The following FLT3 variants were observed in gnomAD, a reference collection of about 807,000 sequenced individuals.
FLT3 encodes fms related receptor tyrosine kinase 3.
FLT3 carries 46 observed loss-of-function variants against 126.6 expected under a neutral mutation model. The ratio of observed to expected loss-of-function variants is 0.36; its 90% confidence interval spans 0.29 to 0.46. The LOEUF (loss-of-function observed/expected upper bound fraction) is 0.46, where lower values mean the gene tolerates loss of function less well. Among genes scored for constraint, FLT3 ranks in the 20% least tolerant of loss-of-function variants. FLT3 has a pLI of 1.00. For missense variants in FLT3, 1,069 were observed against 1,190.3 expected, an observed-to-expected ratio of 0.90 and a Z score of 1.50; for synonymous variants, 404 against 434.4, an observed-to-expected ratio of 0.93 and a Z score of 0.87.
intron 16 of FLT3, 91 bp downstream of exon 16, chr13:28,028,085 TAA>T: frequency 9.9e-6 from 6 of 608,586 alleles, no homozygotes; most frequent in Non-Finnish European, 1.7e-5. Context: ...GACAAAGAAT[TAA>T]AAAGAGAGAG....
chr13:28,041,951 G>A (rs59951785), intron 9 of FLT3, among the ~76,000 whole-genome samples: 3,204 of 152,112 alleles, frequency 0.021, 98 homozygotes, highest in African/African-American at 0.071. Flanking sequence ...TAAGGAGTTC[G>A]AGATCAGCCT....
At chr13:28,072,216 C>T (rs1877580261) in intron 1 of FLT3, among the ~76,000 whole-genome samples, 1 of 150,820 alleles carries the variant, frequency 6.6e-6, no homozygotes, top group Admixed American at 6.6e-5. Context: ...TATATATGGG[C>T]TTCTCTTTAT....
intron 4 of FLT3, among the ~76,000 whole-genome samples, chr13:28,055,365 T>C (rs1330884387): frequency 1.3e-5 from 2 of 152,238 alleles, no homozygotes; most frequent in African/African-American, 2.4e-5. Flanking sequence ...ATTTAAAGAA[T>C]TCCAAGTTTT....
intron 20 of FLT3, among the ~76,000 whole-genome samples, chr13:28,017,651 T>G (rs1871981930): frequency 6.7e-6 from 1 of 148,484 alleles, no homozygotes; most frequent in African/African-American, 2.5e-5. Context: ...ATTCACACTG[T>G]TTTTTTTGTT....
At chr13:28,043,561 G>A (rs952822944) in intron 9 of FLT3, among the ~76,000 whole-genome samples, 16 of 152,146 alleles carry the variant, frequency 1.1e-4, no homozygotes, top group African/African-American at 3.9e-4. Context: ...CTTGATACAT[G>A]ACTAAAATAC....
chr13:28,097,852 G>A (rs949671437), intron 1 of FLT3, among the ~76,000 whole-genome samples: 7 of 152,100 alleles, frequency 4.6e-5, no homozygotes, highest in African/African-American at 1.7e-4. Flanking sequence ...CTTTGAATAC[G>A]AATTTTTTTT....
intron 18 of FLT3, 94 bp downstream of exon 18, chr13:28,024,767 G>A: frequency 1.1e-6 from 1 of 873,222 alleles, no homozygotes; most frequent in Non-Finnish European, 1.8e-6. Flanking sequence ...ATTTTAAAAT[G>A]CTTTTGTGTT....
intron 15 of FLT3, among the ~76,000 whole-genome samples, chr13:28,032,093 C>T (rs141424088): frequency 3.9e-5 from 6 of 152,234 alleles, no homozygotes; most frequent in African/African-American, 9.6e-5. Context: ...GGAAAAGTCA[C>T]GGGTTTCTAG....
chr13:28,050,973 A>G (rs956176256), intron 5 of FLT3, among the ~76,000 whole-genome samples: 4 of 152,234 alleles, frequency 2.6e-5, no homozygotes, highest in African/African-American at 9.6e-5. Flanking sequence ...TTGGCTAGGC[A>G]CTGTTCTATG....
rs1017573758 is a variant in FLT3, at chr13:28,070,583, T to C, written c.73A>G (p.Ile25Val). The C allele has an allele frequency of 3.7e-6, 6 of 1,602,254 alleles. No individual in the cohort carries two copies. Among genetic ancestry groups the C allele is most frequent in the Non-Finnish European group, 5.1e-6 (6 of 1,170,208 alleles). Residue 25 changes from isoleucine to valine, a missense_variant, in exon 2 of 24, where the codon ATT (isoleucine) becomes GTT (valine). Transcript: ENST00000241453. The part of the protein sequence containing the change: ...VVFSAMIFGT[I>V]TNQDLPVIKC... ...ATCACAGGCAGATCTTGATTTGTAA[T>C]AGTCCCAAATATCATTGCAGAAAAA...
chr13:28,022,896 A>G (rs1322145384), intron 19 of FLT3, among the ~76,000 whole-genome samples: 1 of 152,248 alleles, frequency 6.6e-6, no homozygotes, highest in Non-Finnish European at 1.5e-5. Context: ...GTGAGCCTGC[A>G]GGACTGCTGC....
At chr13:28,007,752 T>C (rs1258212829) in intron 23 of FLT3, among the ~76,000 whole-genome samples, 1 of 152,212 alleles carries the variant, frequency 6.6e-6, no homozygotes, top group Non-Finnish European at 1.5e-5. Flanking sequence ...GGGATAATAA[T>C]AGAACCTACT....
intron 8 of FLT3, among the ~76,000 whole-genome samples, chr13:28,048,997 C>T (rs1387316562): frequency 1.3e-5 from 2 of 152,130 alleles, no homozygotes; most frequent in Non-Finnish European, 2.9e-5. Context: ...TGCTCACTGC[C>T]CTAACAGTGC....
chr13:28,058,041 A>G (rs1386127229), intron 3 of FLT3, among the ~76,000 whole-genome samples: 1 of 151,204 alleles, frequency 6.6e-6, no homozygotes, highest in Non-Finnish European at 1.5e-5. Context: ...CTCCGTCTCA[A>G]AAAAAAACTG....
At chr13:28,092,607 C>T (rs1879185366) in intron 1 of FLT3, among the ~76,000 whole-genome samples, 1 of 151,988 alleles carries the variant, frequency 6.6e-6, no homozygotes, top group South Asian at 2.1e-4. Context: ...TAATTCAAGC[C>T]CTCGTTATCA....
chr13:28,061,121 C>T (rs538678137), intron 3 of FLT3, among the ~76,000 whole-genome samples: 19 of 151,544 alleles, frequency 1.3e-4, no homozygotes, highest in African/African-American at 1.9e-4. Flanking sequence ...TTTGGGAGGC[C>T]GAGGTGGGAG....
In FLT3 at chr13:28,100,159, G is replaced by C. The variant is rs532281299; in HGVS notation, c.43+309C>G. On this transcript the variant is annotated intron_variant, in intron 1 of 23. Transcript: ENST00000241453. This position sits in a 1 kb window ranked among gnomAD's most constrained non-coding sequence, Gnocchi z 4.8. ...CGAGCGCGCGGGCCGAGCTGCCCCA[G>C]ACCCGGCGCAGCGCCTCGGCGAGGC... is the stretch of plus-strand genomic sequence containing the variant. Among the ~76,000 whole-genome samples the C allele has an allele frequency of 1.3e-5, 2 of 152,206 alleles. No homozygotes were observed. The highest frequency in any genetic ancestry group is 2.4e-5 in the African/African-American group (1 of 41,548).
intron 23 of FLT3, among the ~76,000 whole-genome samples, chr13:28,011,029 G>A (rs1003420605): frequency 2.7e-5 from 4 of 150,450 alleles, no homozygotes; most frequent in Non-Finnish European, 5.9e-5. Context: ...AAGAAAAATA[G>A]GGCCAGGTGG....
At chr13:28,039,131 A>G (rs1874108132) in intron 9 of FLT3, among the ~76,000 whole-genome samples, 1 of 152,196 alleles carries the variant, frequency 6.6e-6, no homozygotes, top group African/African-American at 2.4e-5. Flanking sequence ...ACGGGAAGTC[A>G]TAGGGCTGCA....
Sources: gnomAD v4.1 joint callset for allele counts (sites outside exome capture counted in the v4.1 genomes callset) on GRCh38, gnomAD v4.1.1 for gene constraint, Gnocchi (gnomAD v3.1) non-coding constraint, MANE v1.5 for transcripts, NCBI Gene and HGNC (gene_info 2026-07-23, HGNC 2026-07-21) for gene names.